The following CMC2 variants were observed in gnomAD, a reference collection of about 807,000 sequenced individuals.
CMC2 encodes the protein C-X9-C motif containing 2, also known as COX assembly mitochondrial protein 2 homolog.
CMC2 carries 5 observed loss-of-function variants against 7.5 expected under a neutral mutation model. That is an observed-to-expected ratio of 0.66 (90% CI 0.35 to 1.40). The LOEUF (loss-of-function observed/expected upper bound fraction) is 1.40, where lower values mean the gene tolerates loss of function less well. CMC2 is among the 40% of genes most tolerant of loss of function. The pLI is 0.04. For missense variants in CMC2, 115 were observed against 92.3 expected (o/e 1.25, Z -1.01); for synonymous variants, 37 against 31.4 (o/e 1.18, Z -0.60).
At chr16:80,981,358 C>T (rs187236789) in intron 3 of CMC2, among the ~76,000 whole-genome samples, 1 of 151,578 alleles carries the variant, frequency 6.6e-6, no homozygotes, top group Non-Finnish European at 1.5e-5. Flanking sequence ...AATTAGATCC[C>T]TGTGGCTTAC....
At chr16:80,979,697 C>T (rs916947591) in intron 3 of CMC2, among the ~76,000 whole-genome samples, 1 of 151,904 alleles carries the variant, frequency 6.6e-6, no homozygotes, top group Non-Finnish European at 1.5e-5. Flanking sequence ...CTGGGCTCAC[C>T]GCAACCTCCG....
At position 80,968,924 on chromosome 16, in the gene CMC2, C is replaced by T. The variant is rs1911732237; in HGVS notation, c.*7169G>A. The T allele has an allele frequency of 6.6e-6, 1 of 152,144 alleles. No homozygotes were observed. 9.4% of individuals were successfully genotyped at this position (152,144 alleles called of 1,614,324 possible). On this transcript the variant is annotated 3_prime_UTR_variant, in exon 4 of 4. Transcript: ENST00000219400. The stretch of plus-strand genomic sequence containing the variant: ...TCTCTACGAGGAATGGTGTGAGAAA[C>T]AAGAATATCACATAAAGCCAGGAGA...
chr16:80,985,565 C>T (rs1261663977), intron 2 of CMC2, among the ~76,000 whole-genome samples: 2 of 151,900 alleles, frequency 1.3e-5, no homozygotes, highest in African/African-American at 4.8e-5. Context: ...CATTTCTAAT[C>T]CAATAAATAT....
chr16:80,980,038 C>A (rs1193500483), intron 3 of CMC2, among the ~76,000 whole-genome samples: 1 of 152,210 alleles, frequency 6.6e-6, no homozygotes, highest in South Asian at 2.1e-4. Context: ...CCCGCCTCAG[C>A]CTCCCAAGTA....
At chr16:80,994,227 CA>C (rs1303432977) in intron 2 of CMC2, among the ~76,000 whole-genome samples, 1 of 151,592 alleles carries the variant, frequency 6.6e-6, no homozygotes, top group African/African-American at 2.4e-5. Flanking sequence ...ACACAAATAT[CA>C]AAAGAAAAAA....
intron 1 of CMC2, among the ~76,000 whole-genome samples, chr16:81,002,077 T>A (rs989817962): frequency 3.9e-5 from 6 of 152,176 alleles, no homozygotes; most frequent in African/African-American, 1.4e-4. Context: ...GCACCTACAT[T>A]TATGTGAAGT....
chr16:80,997,444 G>C lies in CMC2; in HGVS notation c.-35-15C>G, dbSNP rs770971562. 3.7e-6 allele frequency: 5 copies of C among 1,369,540 alleles called. No homozygotes were observed. Among genetic ancestry groups the C allele is most frequent in the Non-Finnish European group, 4.2e-6 (4 of 958,324 alleles). 84.8% of individuals were successfully genotyped at this position (1,369,540 alleles called of 1,614,324 possible). On this transcript the variant is annotated splice_polypyrimidine_tract_variant and intron_variant, in intron 1 of 3. Coordinates refer to ENST00000219400, the MANE Select transcript of CMC2 (RefSeq NM_020188.5). ...AGCAGTGCAACCTGTGGATACAAGAGTGTCTTGAATATGCATAAACACATT... is the reference window on the plus strand; with the variant it reads ...AGCAGTGCAACCTGTGGATACAAGACTGTCTTGAATATGCATAAACACATT...
At position 80,986,908 on chromosome 16, in the gene CMC2, A is replaced by G. The variant is rs139491341; in HGVS notation, c.82-5031T>C. Among the ~76,000 whole-genome samples, 586 of 152,370 alleles carry G rather than the reference A, an allele frequency of 3.8e-3. 3 individuals are homozygous for G. The highest frequency in any genetic ancestry group is 0.014 in the African/African-American group (568 of 41,588). On this transcript the variant is annotated intron_variant, in intron 2 of 3. Transcript: ENST00000219400. ...GATTTGGGAGTTACTGAAACCAGGAAAGCGAATGATTTTTTGCAGGAAGGT... is the reference window on the plus strand; with the variant it reads ...GATTTGGGAGTTACTGAAACCAGGAGAGCGAATGATTTTTTGCAGGAAGGT...
At position 80,976,102 on chromosome 16, in the gene CMC2, G is replaced by T; in HGVS notation, c.231C>A (p.Ser77=). 1 of 1,592,868 alleles carries T rather than the reference G, an allele frequency of 6.3e-7. No individual in the cohort carries two copies. The highest frequency in any genetic ancestry group is 8.6e-7 in the Non-Finnish European group (1 of 1,161,214). ...CGAGTGAAAATACAATTTATTTTTC[G>T]GATTCCTCTGGAGGATTAAAAAGTT... ...RKKLFNPPEE[S]EK is the part of the protein sequence containing the mutation. The change falls in exon 4 of 4, where the codon TCC becomes TCA. Residue 77 remains serine (S), a synonymous_variant. Coordinates refer to ENST00000219400, the MANE Select transcript of CMC2 (RefSeq NM_020188.5).
intron 2 of CMC2, among the ~76,000 whole-genome samples, chr16:80,986,370 A>C (rs1967536563): frequency 6.6e-6 from 1 of 152,012 alleles, no homozygotes; most frequent in Non-Finnish European, 1.5e-5. Flanking sequence ...AAATAAATAA[A>C]TAAAATGCAG....
chr16:80,971,535 A>G lies in CMC2; in HGVS notation c.*4558T>C, dbSNP rs1911912543. The G allele has an allele frequency of 7.2e-6, 1 of 138,668 alleles. No homozygotes were observed. Among genetic ancestry groups the G allele is most frequent in the Admixed American group, 7.2e-5 (1 of 13,956 alleles). The allele number at this position is 138,668 out of a possible 1,614,324, so 8.6% of individuals were successfully genotyped here. On this transcript the variant is annotated 3_prime_UTR_variant, in exon 4 of 4. Transcript: ENST00000219400. ...AATGACTAAACATGCAAAATAAAAT[A>G]TGGCTATGGATACTGACATACATAC...
chr16:80,985,901 C>CAAA (rs57915291), intron 2 of CMC2, among the ~76,000 whole-genome samples: 2,515 of 104,930 alleles, frequency 0.024, 174 homozygotes, highest in African/African-American at 0.083. Context: ...CATATACCTG[C>CAAA]AAAAAAAAAA....
intron 2 of CMC2, among the ~76,000 whole-genome samples, chr16:80,995,024 T>C (rs1486415994): frequency 2.0e-5 from 3 of 152,014 alleles, no homozygotes; most frequent in African/African-American, 4.8e-5. Flanking sequence ...CACACACCTG[T>C]AATCCCAGCT....
At chr16:80,990,086 T>C (rs1967850318) in intron 2 of CMC2, among the ~76,000 whole-genome samples, 1 of 124,812 alleles carries the variant, frequency 8.0e-6, no homozygotes, top group Non-Finnish European at 1.8e-5. Flanking sequence ...ACTCTGCTCA[T>C]CCTTTTTTTC....
rs1201891527 is a variant in CMC2, at chr16:80,969,984, G to C, written c.*6109C>G. On this transcript the variant is annotated 3_prime_UTR_variant, in exon 4 of 4. Transcript: ENST00000219400. ...AGGCTCAGACAACCAAAATGACTAG[G>C]GAGATATTAACACAAGACTAGCGGT... 6.6e-6 allele frequency: 1 copy of C among 152,146 alleles called. No homozygotes were observed. Among genetic ancestry groups the C allele is most frequent in the Non-Finnish European group, 1.5e-5 (1 of 68,028 alleles). 9.4% of individuals were successfully genotyped at this position (152,146 alleles called of 1,614,324 possible).
At position 80,968,383 on chromosome 16, in the gene CMC2, T is replaced by C. The variant is rs1419124479; in HGVS notation, c.*7710A>G. The C allele has an allele frequency of 6.6e-6, 1 of 152,244 alleles. No individual in the cohort carries two copies. The highest frequency in any genetic ancestry group is 1.5e-5 in the Non-Finnish European group (1 of 68,068). The allele number at this position is 152,244 out of a possible 1,614,324, so 9.4% of individuals were successfully genotyped here. A position where few individuals can be genotyped will look rare whatever the true frequency, so the allele number is the denominator to read the frequency against. ...ACCCCACACGGCTGAGATTCTGCGT[T>C]GCTAACAAACTTTCCCGGGTTACGC... On this transcript the variant is annotated 3_prime_UTR_variant, in exon 4 of 4. Coordinates refer to ENST00000219400, the MANE Select transcript of CMC2 (RefSeq NM_020188.5).
At position 80,975,837 on chromosome 16, in the gene CMC2, T is replaced by A; in HGVS notation, c.*256A>T. On this transcript the variant is annotated 3_prime_UTR_variant, in exon 4 of 4. Coordinates refer to ENST00000219400, the MANE Select transcript of CMC2 (RefSeq NM_020188.5). Reference sequence around the variant, plus strand: ...TATTTTATTGAAGGAGATAAGTTACTCAGATATTAACTGGTTGTAGGCAAA... The same window carrying A: ...TATTTTATTGAAGGAGATAAGTTACACAGATATTAACTGGTTGTAGGCAAA... 3.4e-6 allele frequency: 1 copy of A among 294,916 alleles called. No homozygotes were observed. Among genetic ancestry groups the A allele is most frequent in the Non-Finnish European group, 6.2e-6 (1 of 161,598 alleles). 18.3% of individuals were successfully genotyped at this position (294,916 alleles called of 1,614,324 possible). A position where few individuals can be genotyped will look rare whatever the true frequency, so the allele number is the denominator to read the frequency against.
intron 2 of CMC2, chr16:80,988,697 T>C: frequency 1.7e-6 from 1 of 605,238 alleles, no homozygotes; most frequent in African/African-American, 1.9e-5. Flanking sequence ...TATTCAAATT[T>C]CACCAATTTG....
Position 80,974,289 on chromosome 16 carries a change from T to C in CMC2, c.*1804A>G, listed in dbSNP as rs979901484. On this transcript the variant is annotated 3_prime_UTR_variant, in exon 4 of 4. Transcript: ENST00000219400. ...CACTCAAGTTAGCACAAAAACCTAA[T>C]TGCTCTCCTTGGGCGTTATCTTCCT... 8 of 152,176 alleles carry C rather than the reference T, an allele frequency of 5.3e-5. No homozygotes were observed. The highest frequency in any genetic ancestry group is 7.3e-5 in the Non-Finnish European group (5 of 68,040). 9.4% of individuals were successfully genotyped at this position (152,176 alleles called of 1,614,324 possible).
Sources: gnomAD v4.1 joint callset for allele counts (sites outside exome capture counted in the v4.1 genomes callset) on GRCh38, gnomAD v4.1.1 for gene constraint, MANE v1.5 for transcripts, NCBI Gene and HGNC (gene_info 2026-07-23, HGNC 2026-07-21) for gene names.